Variants in NEDD4L observed in about 807,000 individuals in gnomAD.
NEDD4L encodes E3 ubiquitin-protein ligase NEDD4-like.
A neutral mutation model predicts 148.9 loss-of-function variants in NEDD4L; 54 were observed. The observed-to-expected ratio is 0.36, with a 90% confidence interval of 0.29 to 0.45. NEDD4L has a LOEUF of 0.45. Among genes scored for constraint, NEDD4L ranks in the 20% least tolerant of loss-of-function variants. The pLI, the probability that NEDD4L is intolerant of heterozygous loss-of-function variation, is 1.00. For missense variants in NEDD4L, 856 were observed against 1,233.8 expected (o/e 0.69, Z 4.59); for synonymous variants, 433 against 440.7 (o/e 0.98, Z 0.22).
chr18:58,130,968 G>A (rs1218950818), intron 1 of NEDD4L, among the ~76,000 whole-genome samples: 1 of 138,080 alleles, frequency 7.2e-6, no homozygotes, highest in East Asian at 2.4e-4. Flanking sequence ...GCAGAACTGT[G>A]GTGGTGTTGG....
At chr18:58,192,570 T>G (rs2040228008) in intron 2 of NEDD4L, among the ~76,000 whole-genome samples, 1 of 152,220 alleles carries the variant, frequency 6.6e-6, no homozygotes, top group Non-Finnish European at 1.5e-5. Context: ...TACCACTCAC[T>G]TTAATGGTTT....
intron 1 of NEDD4L, among the ~76,000 whole-genome samples, chr18:58,164,057 A>G (rs1182755344): frequency 3.5e-5 from 5 of 144,056 alleles, no homozygotes; most frequent in African/African-American, 1.0e-4. Flanking sequence ...TTTGAGACCG[A>G]GTCTCAAAAA....
At chr18:58,090,300 TG>T (rs2145278332) in intron 1 of NEDD4L, among the ~76,000 whole-genome samples, 1 of 152,342 alleles carries the variant, frequency 6.6e-6, no homozygotes, top group Admixed American at 6.5e-5. Flanking sequence ...TTACTATAAG[TG>T]TAAATTAACA....
In NEDD4L at chr18:58,256,270, C is replaced by T. The variant is rs1198231264; in HGVS notation, c.297+4216C>T. On this transcript the variant is annotated intron_variant, in intron 5 of 30. Transcript: ENST00000400345. The surrounding 1 kb of genome is among the most constrained non-coding windows in gnomAD (Gnocchi z 5.2). Reference sequence around the variant, plus strand: ...GCCAGGTGAGGCTGCTGCCCCTGGGCCCCGATGGCCAGGGCGGCCCGGCCG... The same window carrying T: ...GCCAGGTGAGGCTGCTGCCCCTGGGTCCCGATGGCCAGGGCGGCCCGGCCG... 1.1e-5 allele frequency: 13 copies of T among 1,231,070 alleles called. No homozygotes were observed. In the African/African-American group the frequency reaches 1.4e-4, roughly 13 times the overall value. 76.3% of individuals were successfully genotyped at this position (1,231,070 alleles called of 1,614,324 possible). A position where few individuals can be genotyped will look rare whatever the true frequency, so the allele number is the denominator to read the frequency against.
chr18:58,148,797 C>T (rs936753420), intron 1 of NEDD4L, among the ~76,000 whole-genome samples: 1 of 152,250 alleles, frequency 6.6e-6, no homozygotes, highest in Non-Finnish European at 1.5e-5. Flanking sequence ...CTACCCATAA[C>T]ACCAATGTCA....
At chr18:58,307,202 G>A (rs769965938) in intron 5 of NEDD4L, among the ~76,000 whole-genome samples, 3 of 152,162 alleles carry the variant, frequency 2.0e-5, no homozygotes, top group Non-Finnish European at 4.4e-5. Flanking sequence ...CTGGGGTGGA[G>A]CCTTGGGAAG....
chr18:58,125,516 C>A (rs1331433299), intron 1 of NEDD4L, among the ~76,000 whole-genome samples: 2 of 152,136 alleles, frequency 1.3e-5, no homozygotes, highest in Admixed American at 6.5e-5. Context: ...CACATCAGGT[C>A]CTCAGTGGCC....
intron 2 of NEDD4L, among the ~76,000 whole-genome samples, chr18:58,235,382 C>T (rs1363138498): frequency 6.6e-6 from 1 of 152,184 alleles, no homozygotes; most frequent in Non-Finnish European, 1.5e-5. Context: ...CTCTGCAATG[C>T]AAAAGGGATA....
At chr18:58,050,577 A>G (rs914399348) in intron 1 of NEDD4L, among the ~76,000 whole-genome samples, 1 of 151,966 alleles carries the variant, frequency 6.6e-6, no homozygotes, top group Non-Finnish European at 1.5e-5. Context: ...CCTGGCCAAC[A>G]TGGTGAAACT....
At chr18:58,153,411 C>T (rs540665552) in intron 1 of NEDD4L, among the ~76,000 whole-genome samples, 1 of 149,524 alleles carries the variant, frequency 6.7e-6, no homozygotes, top group African/African-American at 2.5e-5. Context: ...ACAATCTTGG[C>T]TCACTGCAAC....
In NEDD4L at chr18:58,364,248, T is replaced by C. The variant is rs963509358; in HGVS notation, c.1768-20T>C. On this transcript the variant is annotated intron_variant, in intron 19 of 30. Coordinates refer to ENST00000400345, the MANE Select transcript of NEDD4L (RefSeq NM_001144967.3). ...AGGTGTATTGTTTGCATTATCTATA[T>C]TTATAAATTTATCTTCCAGGCTGTC... 3.5e-6 allele frequency: 5 copies of C among 1,435,596 alleles called. No individual in the cohort carries two copies. The highest frequency in any genetic ancestry group is 2.0e-5 in the Admixed American group (1 of 50,272). 88.9% of individuals were successfully genotyped at this position (1,435,596 alleles called of 1,614,324 possible).
intron 2 of NEDD4L, among the ~76,000 whole-genome samples, chr18:58,180,701 G>A (rs892489053): frequency 6.6e-6 from 1 of 152,060 alleles, no homozygotes; most frequent in Non-Finnish European, 1.5e-5. Flanking sequence ...AAACATGCAG[G>A]TTCTGAATTT....
At chr18:58,220,537 T>C (rs2043626765) in intron 2 of NEDD4L, among the ~76,000 whole-genome samples, 1 of 152,178 alleles carries the variant, frequency 6.6e-6, no homozygotes, top group Non-Finnish European at 1.5e-5. Flanking sequence ...GATCCGTTCA[T>C]CTTCCCCCCA....
chr18:58,194,899 G>A (rs535833882), intron 2 of NEDD4L, among the ~76,000 whole-genome samples: 45 of 152,238 alleles, frequency 3.0e-4, no homozygotes, highest in African/African-American at 1.1e-3. Flanking sequence ...AAAGCAGCAC[G>A]TGAAAGAGGT....
chr18:58,151,653 G>GTGTGTGTGTA (rs2034778419), intron 1 of NEDD4L, among the ~76,000 whole-genome samples: 1 of 151,944 alleles, frequency 6.6e-6, no homozygotes. Flanking sequence ...GTGTGTGTGT[G>GTGTGTGTGTA]TGTGTTGGCT....
At chr18:58,249,598 T>A (rs1294997117) in intron 4 of NEDD4L, among the ~76,000 whole-genome samples, 1 of 152,252 alleles carries the variant, frequency 6.6e-6, no homozygotes, top group South Asian at 2.1e-4. Context: ...AGCTATTTAA[T>A]TGAAAGAAAG....
intron 5 of NEDD4L, among the ~76,000 whole-genome samples, chr18:58,272,597 T>G (rs1358309275): frequency 4.0e-5 from 6 of 149,182 alleles, no homozygotes; most frequent in African/African-American, 1.5e-4. Flanking sequence ...ACCACTATAC[T>G]CCAGCCTGGG....
At chr18:58,288,511 C>T (rs1369106907) in intron 5 of NEDD4L, among the ~76,000 whole-genome samples, 1 of 151,906 alleles carries the variant, frequency 6.6e-6, no homozygotes, top group Non-Finnish European at 1.5e-5. Flanking sequence ...TTTTGTATAG[C>T]GAAAAAGAAC....
Position 58,398,431 on chromosome 18 carries a change from A to G in NEDD4L, c.*2162A>G, listed in dbSNP as rs1437600670. 6.6e-6 allele frequency: 1 copy of G among 152,184 alleles called. No homozygotes were observed. Among genetic ancestry groups the G allele is most frequent in the African/African-American group, 2.4e-5 (1 of 41,448 alleles). 9.4% of individuals were successfully genotyped at this position (152,184 alleles called of 1,614,324 possible). A position where few individuals can be genotyped will look rare whatever the true frequency, so the allele number is the denominator to read the frequency against. On this transcript the variant is annotated 3_prime_UTR_variant, in exon 31 of 31. Transcript: ENST00000400345. ...ACCTAAGAACTGGGATTCTTCTGTCATCTTGTAAACCGTATATTGAAAAAA... is the reference window on the plus strand; with the variant it reads ...ACCTAAGAACTGGGATTCTTCTGTCGTCTTGTAAACCGTATATTGAAAAAA...
Sources: gnomAD v4.1 joint callset for allele counts (sites outside exome capture counted in the v4.1 genomes callset) on GRCh38, gnomAD v4.1.1 for gene constraint, Gnocchi (gnomAD v3.1) non-coding constraint, MANE v1.5 for transcripts, NCBI Gene and HGNC (gene_info 2026-07-23, HGNC 2026-07-21) for gene names.